Variants in XYLT1 observed in about 807,000 individuals in gnomAD.
The protein encoded by XYLT1 is beta-D-xylosyltransferase 1.
Under a neutral mutation model 91.3 loss-of-function variants are expected in XYLT1, and 36 were observed. The observed-to-expected ratio is 0.39, with a 90% CI of 0.30 to 0.52. The LOEUF is 0.52. Among genes scored for constraint, XYLT1 ranks in the 20% least tolerant of loss-of-function variants. XYLT1 has a pLI of 0.68. For synonymous variants in XYLT1, 588 were observed against 532.0 expected, an observed-to-expected ratio of 1.11 and a Z score of -1.45; for missense variants, 1,242 against 1,284.5, an observed-to-expected ratio of 0.97 and a Z score of 0.51.
intron 3 of XYLT1, among the ~76,000 whole-genome samples, chr16:17,205,386 G>T (rs1257274650): frequency 1.3e-5 from 2 of 152,230 alleles, no homozygotes; most frequent in African/African-American, 4.8e-5. Flanking sequence ...ATAATGATTT[G>T]GGAGGAGAAA....
intron 3 of XYLT1, among the ~76,000 whole-genome samples, chr16:17,256,479 T>C (rs1215339212): frequency 2.0e-5 from 3 of 151,916 alleles, no homozygotes; most frequent in African/African-American, 4.8e-5. Context: ...GGTGAAACCC[T>C]GTCTCTACTA....
intron 1 of XYLT1, among the ~76,000 whole-genome samples, chr16:17,389,509 T>C (rs2035788941): frequency 6.6e-6 from 1 of 152,226 alleles, no homozygotes; most frequent in South Asian, 2.1e-4. Context: ...TCTGGAGGTG[T>C]CTTGCAAATA....
At chr16:17,311,446 G>C (rs1267788550) in intron 2 of XYLT1, among the ~76,000 whole-genome samples, 1 of 152,174 alleles carries the variant, frequency 6.6e-6, no homozygotes, top group African/African-American at 2.4e-5. Flanking sequence ...GATTCCAAGA[G>C]TCTGGGGGTG....
intron 7 of XYLT1, 67 bp from the exon 8 acceptor site, chr16:17,138,598 A>C: frequency 2.6e-6 from 4 of 1,565,300 alleles, no homozygotes; most frequent in Middle Eastern, 3.9e-4. Context: ...TGGGGTGGGA[A>C]ATGGTGAACC....
At chr16:17,371,826 G>GAGAA (rs556379693) in intron 1 of XYLT1, among the ~76,000 whole-genome samples, 1 of 152,152 alleles carries the variant, frequency 6.6e-6, no homozygotes, top group Non-Finnish European at 1.5e-5. Context: ...AAGAGACAGA[G>GAGAA]AGAAAGAAAG....
intron 5 of XYLT1, among the ~76,000 whole-genome samples, chr16:17,161,441 C>G (rs117947503): frequency 1.3e-5 from 2 of 152,100 alleles, no homozygotes; most frequent in African/African-American, 2.4e-5. Context: ...CTGCCTACCC[C>G]CCTTGCTAGG....
At chr16:17,352,381 T>TC (rs1203945125) in intron 2 of XYLT1, among the ~76,000 whole-genome samples, 1 of 152,192 alleles carries the variant, frequency 6.6e-6, no homozygotes, top group Non-Finnish European at 1.5e-5. Flanking sequence ...TAAGCCTCTC[T>TC]CCTTCTCTCC....
chr16:17,369,310 C>CT (rs1040028733), intron 1 of XYLT1, among the ~76,000 whole-genome samples: 13 of 151,842 alleles, frequency 8.6e-5, no homozygotes, highest in African/African-American at 2.7e-4. Flanking sequence ...TTGAACAATA[C>CT]TTTTTTTAAA....
intron 3 of XYLT1, among the ~76,000 whole-genome samples, chr16:17,234,960 T>C (rs776159174): frequency 7.9e-5 from 12 of 152,188 alleles, no homozygotes; most frequent in Non-Finnish European, 1.5e-4. Context: ...GCAAAATAGG[T>C]AATGGAGGAT....
intron 10 of XYLT1, among the ~76,000 whole-genome samples, chr16:17,122,857 T>C (rs140637801): frequency 6.6e-6 from 1 of 152,212 alleles, no homozygotes; most frequent in African/African-American, 2.4e-5. Flanking sequence ...TTTCCCACTT[T>C]GTTTTTGTGT....
chr16:17,153,748 T>A (rs2031339279), intron 6 of XYLT1, among the ~76,000 whole-genome samples: 1 of 152,086 alleles, frequency 6.6e-6, no homozygotes, highest in African/African-American at 2.4e-5. Flanking sequence ...CCCAAAAGAA[T>A]CCCCCATGTC....
At chr16:17,455,627 A>T (rs1299307833) in intron 1 of XYLT1, among the ~76,000 whole-genome samples, 1 of 141,566 alleles carries the variant, frequency 7.1e-6, no homozygotes, top group African/African-American at 2.7e-5. Context: ...AATAAATAAA[A>T]GGTAGATTTA....
chr16:17,147,411 A>C (rs1187860690), intron 6 of XYLT1, among the ~76,000 whole-genome samples: 1 of 152,212 alleles, frequency 6.6e-6, no homozygotes, highest in Non-Finnish European at 1.5e-5. Context: ...TCCAGTTTTT[A>C]ATTTCATGTT....
intron 1 of XYLT1, among the ~76,000 whole-genome samples, chr16:17,372,025 T>C (rs2035540935): frequency 6.6e-6 from 1 of 152,188 alleles, no homozygotes. Flanking sequence ...AGTTGCCCCA[T>C]TCTTGGTACT....
chr16:17,171,504 G>A (rs1416248754), intron 5 of XYLT1, among the ~76,000 whole-genome samples: 7 of 152,330 alleles, frequency 4.6e-5, no homozygotes, highest in East Asian at 3.9e-4. Context: ...GACATGCTGC[G>A]TCCAGTAGAC....
At chr16:17,343,814 C>T (rs955927059) in intron 2 of XYLT1, among the ~76,000 whole-genome samples, 21 of 152,090 alleles carry the variant, frequency 1.4e-4, no homozygotes, top group Non-Finnish European at 1.5e-4. Flanking sequence ...AGCGTTCTTC[C>T]GTACCTCATC....
chr16:17,297,793 G>A (rs1380743306), intron 2 of XYLT1, among the ~76,000 whole-genome samples: 4 of 152,056 alleles, frequency 2.6e-5, no homozygotes, highest in East Asian at 3.9e-4. Flanking sequence ...AGGTCGAGGC[G>A]GGCAGATCAT....
chr16:17,110,017 G>A (rs1341445037), intron 11 of XYLT1, among the ~76,000 whole-genome samples: 1 of 152,138 alleles, frequency 6.6e-6, no homozygotes, highest in Non-Finnish European at 1.5e-5. Flanking sequence ...CCTCCTATGT[G>A]CCAGTCACTT....
At chr16:17,253,861 A>AGAGAGAGAGAGAGAGAGAGC (rs2033587092) in intron 3 of XYLT1, among the ~76,000 whole-genome samples, 1 of 145,022 alleles carries the variant, frequency 6.9e-6, no homozygotes, top group Admixed American at 6.8e-5. Flanking sequence ...AGAGAGAGAG[A>AGAGAGAGAGAGAGAGAGAGC]GCGAGCCTGC....
Sources: gnomAD v4.1 joint callset for allele counts (sites outside exome capture counted in the v4.1 genomes callset) on GRCh38, gnomAD v4.1.1 for gene constraint, MANE v1.5 for transcripts, NCBI Gene and HGNC (gene_info 2026-07-23, HGNC 2026-07-21) for gene names.